Variants in TNRC18 observed in about 807,000 individuals in gnomAD.
TNRC18 encodes the protein trinucleotide repeat containing 18.
TNRC18 carries 69 observed loss-of-function variants against 226.7 expected under a neutral mutation model. The ratio of observed to expected loss-of-function variants is 0.30; its 90% confidence interval spans 0.25 to 0.37. The LOEUF (loss-of-function observed/expected upper bound fraction) is 0.37, where lower values mean the gene tolerates loss of function less well. Ranked by LOEUF, TNRC18 falls within the 10% of genes least tolerant of loss-of-function variation. The pLI is 1.00. For missense variants in TNRC18, 4,754 were observed against 4,256.6 expected (o/e 1.12, Z -3.25); for synonymous variants, 2,449 against 1,927.6 (o/e 1.27, Z -7.09).
intron 17 of TNRC18, among the ~76,000 whole-genome samples, chr7:5,348,659 G>A (rs1029937020): frequency 1.3e-5 from 2 of 151,944 alleles, no homozygotes; most frequent in Non-Finnish European, 2.9e-5. Flanking sequence ...AGGGAGGGAG[G>A]GAGGGAGGGA....
chr7:5,334,579 G>C (rs1789897917), intron 18 of TNRC18, among the ~76,000 whole-genome samples: 1 of 151,966 alleles, frequency 6.6e-6, no homozygotes, highest in African/African-American at 2.4e-5. Flanking sequence ...TTACAGGTGT[G>C]ATCATTAATC....
In TNRC18 at chr7:5,315,973, G is replaced by C; in HGVS notation, c.6845C>G (p.Pro2282Arg). The part of the protein sequence containing the change: ...IPLSHIRLLP[P>R]DYKIQCAEPS... ...TCACTTACACTGTATCTTATAGTCA[G>C]GGGGCAGGAGGCGGATATGTGAGAG... is the stretch of plus-strand genomic sequence containing the variant. Residue 2282 changes from proline to arginine, a missense_variant, in exon 25 of 30, where the codon CCT becomes CGT. Coordinates refer to ENST00000430969, the MANE Select transcript of TNRC18 (RefSeq NM_001080495.3). 1.3e-6 allele frequency: 2 copies of C among 1,595,726 alleles called. No homozygotes were observed. The highest frequency in any genetic ancestry group is 1.7e-6 in the Non-Finnish European group (2 of 1,172,024).
intron 5 of TNRC18, among the ~76,000 whole-genome samples, chr7:5,384,209 C>T (rs1193710508): frequency 2.0e-5 from 3 of 152,128 alleles, no homozygotes; most frequent in African/African-American, 7.2e-5. Context: ...CTCGGGTGAT[C>T]CACCCGCCTC....
At chr7:5,418,542 G>A (rs750383156) in intron 2 of TNRC18, among the ~76,000 whole-genome samples, 3 of 152,144 alleles carry the variant, frequency 2.0e-5, no homozygotes, top group Admixed American at 6.5e-5. Context: ...GGCTTTATAA[G>A]CCCTGACAGC....
intron 11 of TNRC18, 39 bp from the exon 12 acceptor site, chr7:5,362,864 C>T (rs780686240): frequency 5.5e-5 from 81 of 1,459,480 alleles, no homozygotes; most frequent in Non-Finnish European, 1.6e-5. Flanking sequence ...CTGCTGCCAC[C>T]CCTTCCCCAA....
In TNRC18 at chr7:5,376,183, C is replaced by A; in HGVS notation, c.2650G>T (p.Ala884Ser). 6.4e-7 allele frequency: 1 copy of A among 1,560,778 alleles called. No homozygotes were observed. The highest frequency in any genetic ancestry group is 1.9e-5 in the Admixed American group (1 of 52,200). Residue 884 changes from alanine to serine, a missense_variant, in exon 9 of 30, where the codon GCC becomes TCC. Transcript: ENST00000430969. ...GGGCTGCGGCCCGGCGGGTACAGGGCGGGCCAGAGGGGCGGTACGGTGGCC... is the reference window on the plus strand; with the variant it reads ...GGGCTGCGGCCCGGCGGGTACAGGGAGGGCCAGAGGGGCGGTACGGTGGCC... ...ERATVPPLWP[A>S]LYPPGRSPLH...
At chr7:5,390,400 TG>T (rs776030859) in intron 4 of TNRC18, 84 bp downstream of exon 4, 3 of 1,305,364 alleles carry the variant, frequency 2.3e-6, no homozygotes, top group African/African-American at 1.5e-5. Context: ...TGGACAGAGC[TG>T]GGGGCTACCT....
At position 5,388,328 on chromosome 7, in the gene TNRC18, C is replaced by T. The variant is rs773244837; in HGVS notation, c.1496G>A (p.Gly499Glu). ...QAAKLFGLEP[G>E]RPPPTGPEHK... ...CTCAGGGCCGGTGGGCGGGGGGCGC[C>T]CGGGCTCCAGGCCGAAGAGCTTGGC... The change falls in exon 5 of 30, where the codon GGG (glycine) becomes GAG (glutamate). Residue 499 changes from glycine (G) to glutamate (E), a missense_variant. Gly to Glu is a moderately conservative substitution (Grantham distance 98, BLOSUM62 -2). Transcript: ENST00000430969. The T allele has an allele frequency of 4.4e-6, 7 of 1,599,380 alleles. No homozygotes were observed. The highest frequency in any genetic ancestry group is 2.3e-5 in the East Asian group (1 of 44,032).
Position 5,370,698 on chromosome 7 carries a change from G to T in TNRC18, c.3896C>A (p.Pro1299His), listed in dbSNP as rs772367486. The T allele has an allele frequency of 6.2e-7, 1 of 1,610,950 alleles. No individual in the cohort carries two copies. The highest frequency in any genetic ancestry group is 1.3e-5 in the African/African-American group (1 of 74,914). ...PTLEMSDCDV[P>H]AGEGQCPSLE... ...GCTCGGGCACTGTCCCTCCCCGGCG[G>T]GCACGTCACAGTCTGACATTTCTAG... The change falls in exon 11 of 30, where the codon CCC becomes CAC. Residue 1299 changes from proline to histidine, a missense_variant. By Grantham distance (77) the Pro-to-His change is moderately conservative. Coordinates refer to ENST00000430969, the MANE Select transcript of TNRC18 (RefSeq NM_001080495.3).
At chr7:5,346,330 G>A (rs146110656) in intron 17 of TNRC18, among the ~76,000 whole-genome samples, 26 of 152,204 alleles carry the variant, frequency 1.7e-4, no homozygotes, top group African/African-American at 5.8e-4. Context: ...AGTGGAGTTC[G>A]GACTCTTCCT....
chr7:5,361,283 A>T (rs1793013644), intron 14 of TNRC18, among the ~76,000 whole-genome samples: 1 of 152,080 alleles, frequency 6.6e-6, no homozygotes, highest in Non-Finnish European at 1.5e-5. Context: ...CGCAGGGAGG[A>T]GGCGCGTGGA....
chr7:5,359,335 T>C (rs1792787440), intron 15 of TNRC18, 63 bp downstream of exon 15: 1 of 1,578,202 alleles, frequency 6.3e-7, no homozygotes, highest in Admixed American at 1.7e-5. Flanking sequence ...GCGTGAACTC[T>C]TAACACACCC....
intron 16 of TNRC18, among the ~76,000 whole-genome samples, chr7:5,356,174 AAAAAAAAAAAG>A (rs1792349587): frequency 1.5e-5 from 2 of 133,550 alleles, no homozygotes; most frequent in African/African-American, 7.0e-5. Context: ...AAATTAAAAA[AAAAAAAAAAAG>A]AAAGAAAATA....
At position 5,307,774 on chromosome 7, in the gene TNRC18, C is replaced by G; in HGVS notation, c.*332G>C. 4 of 394,306 alleles carry G rather than the reference C, an allele frequency of 1.0e-5. No homozygotes were observed. The highest frequency in any genetic ancestry group is 9.0e-5 in the South Asian group (4 of 44,366). The allele number at this position is 394,306 out of a possible 1,614,324, so 24.4% of individuals were successfully genotyped here. On this transcript the variant is annotated 3_prime_UTR_variant, in exon 30 of 30. Transcript: ENST00000430969. The stretch of plus-strand genomic sequence containing the variant: ...GGACCTGGGGGCACCCGGGCCCCCA[C>G]GCAGCAGCAGCCTGGAGGGCCGGCC...
At position 5,370,961 on chromosome 7, in the gene TNRC18, C is replaced by T. The variant is rs147596720; in HGVS notation, c.3633G>A (p.Gln1211=). The change falls in exon 11 of 30, where the codon CAG becomes CAA. Residue 1211 remains glutamine, a synonymous_variant. Transcript: ENST00000430969. ...GACACTCAGAGGGCTCTGCGCAGCT[C>T]TGCCCGGTGGCACTCAGCGCCTGGG... ...LEAQALSATG[Q]SCAEPSECPD... The T allele has an allele frequency of 1.5e-5, 24 of 1,605,528 alleles. No individual in the cohort carries two copies. In the East Asian group the frequency reaches 5.1e-4, roughly 34 times the overall value.
At chr7:5,404,628 G>A (rs1482160980) in intron 2 of TNRC18, among the ~76,000 whole-genome samples, 3 of 152,044 alleles carry the variant, frequency 2.0e-5, no homozygotes, top group Admixed American at 6.6e-5. Flanking sequence ...GACTGCAGGC[G>A]CCCAGACCCA....
Position 5,377,312 on chromosome 7 carries a change from A to T in TNRC18, c.2461+59T>A, listed in dbSNP as rs537191877. The T allele has an allele frequency of 1.5e-6, 2 of 1,295,732 alleles. No individual in the cohort carries two copies. The highest frequency in any genetic ancestry group is 1.5e-5 in the South Asian group (1 of 68,304). The allele number at this position is 1,295,732 out of a possible 1,614,324, so 80.3% of individuals were successfully genotyped here. A position where few individuals can be genotyped will look rare whatever the true frequency, so the allele number is the denominator to read the frequency against. ...AGCCAGCCCTGAGCTCTTGTCCTGC[A>T]CCCGCCCCCTCCCACCCCTCCCTCA... On this transcript the variant is annotated intron_variant, in intron 7 of 29. Coordinates refer to ENST00000430969, the MANE Select transcript of TNRC18 (RefSeq NM_001080495.3). The surrounding 1 kb of genome is among the most constrained non-coding windows in gnomAD (Gnocchi z 5.8).
intron 3 of TNRC18, among the ~76,000 whole-genome samples, chr7:5,390,838 G>C (rs114603313): frequency 2.0e-5 from 3 of 151,692 alleles, no homozygotes; most frequent in Non-Finnish European, 4.4e-5. Flanking sequence ...GGGGGACTGG[G>C]GTCTCCAGTC....
rs1267795691 is a variant in TNRC18 at position 5,361,877 on chromosome 7, C to T, written c.4532+20G>A. ...GGGCCGGGGCAGGGGCCCCACGGGGCGGGCGGGGGACACACTCACTCGGAG... is the reference window on the plus strand; with the variant it reads ...GGGCCGGGGCAGGGGCCCCACGGGGTGGGCGGGGGACACACTCACTCGGAG... On this transcript the variant is annotated intron_variant, in intron 13 of 29. Coordinates refer to ENST00000430969, the MANE Select transcript of TNRC18 (RefSeq NM_001080495.3). The T allele has an allele frequency of 8.5e-6, 13 of 1,531,018 alleles. No homozygotes were observed. The highest frequency in any genetic ancestry group is 1.1e-5 in the Non-Finnish European group (13 of 1,139,144). The allele number at this position is 1,531,018 out of a possible 1,614,324, so 94.8% of individuals were successfully genotyped here. A position where few individuals can be genotyped will look rare whatever the true frequency, so the allele number is the denominator to read the frequency against.
Sources: gnomAD v4.1 joint callset for allele counts (sites outside exome capture counted in the v4.1 genomes callset) on GRCh38, gnomAD v4.1.1 for gene constraint, Gnocchi (gnomAD v3.1) non-coding constraint, MANE v1.5 for transcripts, NCBI Gene and HGNC (gene_info 2026-07-23, HGNC 2026-07-21) for gene names.